Variants in AP4E1 observed in about 807,000 individuals in gnomAD.
AP4E1 encodes adaptor related protein complex 4 subunit epsilon 1.
In AP4E1, 56 loss-of-function variants were observed where a neutral mutation model predicts 128.2. The ratio of observed to expected loss-of-function variants is 0.44; its 90% CI spans 0.35 to 0.55. The LOEUF (loss-of-function observed/expected upper bound fraction) is 0.55, where lower values mean the gene tolerates loss of function less well. Among genes scored for constraint, AP4E1 ranks in the 20% least tolerant of loss-of-function variants. The pLI is 0.00. For missense variants in AP4E1, 1,324 were observed against 1,307.7 expected (o/e 1.01, Z -0.19); for synonymous variants, 484 against 473.1 (o/e 1.02, Z -0.30).
At chr15:50,991,962 C>CTTTTTTTTTTTTTTTT (rs61161776) in intron 16 of AP4E1, among the ~76,000 whole-genome samples, 2 of 126,560 alleles carry the variant, frequency 1.6e-5, no homozygotes, top group Non-Finnish European at 1.7e-5. Flanking sequence ...ACACATAGTT[C>CTTTTTTTTTTTTTTTT]TTTTTTTTTT....
At chr15:50,962,378 C>T (rs1440064027) in intron 14 of AP4E1, among the ~76,000 whole-genome samples, 2 of 151,952 alleles carry the variant, frequency 1.3e-5, no homozygotes, top group African/African-American at 4.8e-5. Flanking sequence ...GCTGTAGTAA[C>T]CAAAACAACA....
At chr15:50,960,937 G>A (rs1309913277) in intron 14 of AP4E1, among the ~76,000 whole-genome samples, 2 of 151,838 alleles carry the variant, frequency 1.3e-5, no homozygotes. Context: ...AAACAAAAAA[G>A]TAGACATTAT....
At chr15:50,965,490 A>G (rs769831784) in intron 14 of AP4E1, among the ~76,000 whole-genome samples, 6 of 152,202 alleles carry the variant, frequency 3.9e-5, no homozygotes, top group South Asian at 2.1e-4. Flanking sequence ...GAATCGGGCA[A>G]TATCTCATTA....
chr15:50,981,211 C>T (rs777676655), intron 15 of AP4E1, among the ~76,000 whole-genome samples: 8 of 152,166 alleles, frequency 5.3e-5, no homozygotes, highest in Non-Finnish European at 7.3e-5. Flanking sequence ...AGCCATAGGA[C>T]TTTGTCATAG....
Position 50,941,682 on chromosome 15 carries a change from C to T in AP4E1, c.1083C>T (p.Thr361=), listed in dbSNP as rs376935620. The T allele has an allele frequency of 3.9e-5, 63 of 1,613,354 alleles. No homozygotes were observed. Among genetic ancestry groups the T allele is most frequent in the Non-Finnish European group, 4.9e-5 (58 of 1,179,620 alleles). Reference sequence around the variant, plus strand: ...TGTTTCTAGGACTGAAGGCTCTTACCTATGTTATCCAACAGGATCCTACTC... The same window carrying T: ...TGTTTCTAGGACTGAAGGCTCTTACTTATGTTATCCAACAGGATCCTACTC... The part of the protein sequence containing the change: ...NLKYLGLKAL[T]YVIQQDPTLA... The change falls in exon 10 of 21, where the codon ACC becomes ACT. Residue 361 remains threonine (T), a synonymous_variant. Transcript: ENST00000261842.
chr15:51,003,790 C>G lies in AP4E1; in HGVS notation c.*1128C>G, dbSNP rs1245954618. ...GAAAATATTTATTATTTCACCTTTTCTGACACTTCACCATGGAGACTATTC... is the reference window on the plus strand; with the variant it reads ...GAAAATATTTATTATTTCACCTTTTGTGACACTTCACCATGGAGACTATTC... On this transcript the variant is annotated 3_prime_UTR_variant, in exon 21 of 21. Transcript: ENST00000261842. 1 of 152,574 alleles carries G rather than the reference C, an allele frequency of 6.6e-6. No homozygotes were observed. Among genetic ancestry groups the G allele is most frequent in the Non-Finnish European group, 1.5e-5 (1 of 68,024 alleles). The allele number at this position is 152,574 out of a possible 1,614,324, so 9.5% of individuals were successfully genotyped here. A position where few individuals can be genotyped will look rare whatever the true frequency, so the allele number is the denominator to read the frequency against.
At chr15:50,981,654 A>G (rs1213294288) in intron 15 of AP4E1, among the ~76,000 whole-genome samples, 2 of 152,128 alleles carry the variant, frequency 1.3e-5, no homozygotes, top group Non-Finnish European at 2.9e-5. Flanking sequence ...GTGAATGTGT[A>G]CTCCAAAGTT....
rs2065010654 is a variant in AP4E1 at position 51,005,707 on chromosome 15, C to G, written c.*3045C>G. On this transcript the variant is annotated 3_prime_UTR_variant, in exon 21 of 21. Coordinates refer to ENST00000261842, the MANE Select transcript of AP4E1 (RefSeq NM_007347.5). ...TTATGGATAAATGTAGTATTTGCCT[C>G]ATGATTGTGAGCCACTGAGAGTGCA... 6.6e-6 allele frequency: 1 copy of G among 152,536 alleles called. No homozygotes were observed. Among genetic ancestry groups the G allele is most frequent in the South Asian group, 2.1e-4 (1 of 4,826 alleles). The allele number at this position is 152,536 out of a possible 1,614,324, so 9.4% of individuals were successfully genotyped here.
chr15:50,973,936 G>A (rs549167276), intron 15 of AP4E1, among the ~76,000 whole-genome samples: 15 of 152,170 alleles, frequency 9.9e-5, no homozygotes, highest in African/African-American at 3.4e-4. Context: ...ATACCCACCC[G>A]GAAGTGAGAT....
intron 15 of AP4E1, among the ~76,000 whole-genome samples, chr15:50,971,261 A>G (rs1442649349): frequency 6.6e-6 from 1 of 152,108 alleles, no homozygotes; most frequent in African/African-American, 2.4e-5. Flanking sequence ...AGTACTTTGA[A>G]TATATCATCC....
At chr15:50,967,563 C>T (rs1246915704) in intron 14 of AP4E1, among the ~76,000 whole-genome samples, 1 of 152,204 alleles carries the variant, frequency 6.6e-6, no homozygotes, top group Non-Finnish European at 1.5e-5. Flanking sequence ...GAAACCAATA[C>T]AGTTACCATA....
intron 18 of AP4E1, 47 bp downstream of exon 18, chr15:50,997,930 GT>G: frequency 6.9e-7 from 1 of 1,456,444 alleles, no homozygotes; most frequent in Non-Finnish European, 9.4e-7. Context: ...TATATTTTGT[GT>G]TCTCTTTTCC....
chr15:50,925,946 A>G (rs1049758114), intron 5 of AP4E1, among the ~76,000 whole-genome samples: 2 of 151,788 alleles, frequency 1.3e-5, no homozygotes. Flanking sequence ...TTTTTATATC[A>G]AAACCACAGC....
intron 16 of AP4E1, among the ~76,000 whole-genome samples, chr15:50,984,904 A>C (rs1171431800): frequency 6.6e-6 from 1 of 152,076 alleles, no homozygotes; most frequent in Non-Finnish European, 1.5e-5. Flanking sequence ...CAATGGTTGA[A>C]CTAGTTTACA....
chr15:50,926,801 A>G (rs948241477), intron 5 of AP4E1, among the ~76,000 whole-genome samples: 1 of 151,478 alleles, frequency 6.6e-6, no homozygotes, highest in Admixed American at 6.6e-5. Context: ...CATATAGGCC[A>G]AGCTGGTCTC....
intron 11 of AP4E1, among the ~76,000 whole-genome samples, chr15:50,949,607 G>A (rs931761127): frequency 6.6e-6 from 1 of 151,984 alleles, no homozygotes; most frequent in Non-Finnish European, 1.5e-5. Flanking sequence ...CAAGTATGGT[G>A]CCAAAGTGAC....
intron 16 of AP4E1, among the ~76,000 whole-genome samples, chr15:50,984,972 G>A (rs1336649200): frequency 2.6e-5 from 4 of 152,062 alleles, no homozygotes; most frequent in African/African-American, 9.7e-5. Flanking sequence ...AGCACCTGTT[G>A]TTTCCTGACT....
Position 50,920,338 on chromosome 15 carries a change from C to T in AP4E1, c.347-3593C>T, listed in dbSNP as rs28405780. 4.9e-3 allele frequency among the ~76,000 whole-genome samples: 744 copies of T among 150,372 alleles called. 11 individuals carry two copies. The highest frequency in any genetic ancestry group is 0.018 in the African/African-American group (721 of 41,010). On this transcript the variant is annotated intron_variant, in intron 3 of 20. Coordinates refer to ENST00000261842, the MANE Select transcript of AP4E1 (RefSeq NM_007347.5). ...CTGTGTTAGCCAGGATGGTCTCGAT[C>T]TCCTGACCTCGTGATCCGCCCGCCT...
intron 15 of AP4E1, among the ~76,000 whole-genome samples, chr15:50,972,206 C>G (rs1276743602): frequency 1.3e-5 from 2 of 151,730 alleles, no homozygotes; most frequent in Non-Finnish European, 2.9e-5. Flanking sequence ...TAGTTTCTTT[C>G]TTTCTTTCTT....
Sources: allele counts gnomAD v4.1 joint callset (sites outside exome capture counted in the v4.1 genomes callset), GRCh38; gene constraint gnomAD v4.1.1; transcripts MANE v1.5; gene names NCBI Gene and HGNC (gene_info 2026-07-23, HGNC 2026-07-21).